Variants in IL1RAP observed in about 807,000 individuals in gnomAD.
IL1RAP encodes interleukin-1 receptor accessory protein.
A neutral mutation model predicts 60.7 loss-of-function variants in IL1RAP; 35 were observed. The ratio of observed to expected loss-of-function variants is 0.58; its 90% CI spans 0.44 to 0.76. The LOEUF (loss-of-function observed/expected upper bound fraction) is 0.76, where lower values mean the gene tolerates loss of function less well. IL1RAP is among the 30% of genes least tolerant of loss of function. The pLI is 0.00. For missense variants in IL1RAP, 572 were observed against 693.9 expected, an observed-to-expected ratio of 0.82 and a Z score of 1.97; for synonymous variants, 268 against 250.9, an observed-to-expected ratio of 1.07 and a Z score of -0.64.
chr3:190,532,169 A>G (rs989703492), intron 1 of IL1RAP, among the ~76,000 whole-genome samples: 7 of 152,080 alleles, frequency 4.6e-5, no homozygotes, highest in Admixed American at 4.6e-4. Flanking sequence ...CAAGTCTTCT[A>G]GTAATGAGGG....
chr3:190,644,221 A>G (rs780913782), intron 9 of IL1RAP, 27 bp from the exon 10 acceptor site: 7 of 1,603,432 alleles, frequency 4.4e-6, no homozygotes, highest in African/African-American at 2.7e-5. Flanking sequence ...ACAGAAATCA[A>G]TTCTGTTTCT....
intron 9 of IL1RAP, among the ~76,000 whole-genome samples, chr3:190,637,773 AC>A (rs1214578471): frequency 6.6e-6 from 1 of 151,560 alleles, no homozygotes. Flanking sequence ...AATCCTTTCT[AC>A]CCCCACCTTC....
At chr3:190,519,304 T>C (rs1721809181) in intron 1 of IL1RAP, among the ~76,000 whole-genome samples, 1 of 152,164 alleles carries the variant, frequency 6.6e-6, no homozygotes, top group East Asian at 1.9e-4. Flanking sequence ...GGAGATGTAT[T>C]TTTCTGAACA....
At chr3:190,630,183 T>C in intron 9 of IL1RAP, 1 of 757,906 alleles carries the variant, frequency 1.3e-6, no homozygotes, top group Non-Finnish European at 1.6e-6. Context: ...ATTTAAATTA[T>C]GATTTTAAAT....
intron 1 of IL1RAP, 149 bp from the exon 2 acceptor site, chr3:190,555,981 A>G (rs1027402060): frequency 3.3e-5 from 4 of 120,418 alleles, no homozygotes; most frequent in African/African-American, 1.2e-4. Flanking sequence ...TCTATCTTCT[A>G]TAGTTAGTTC....
rs1026961986 is a variant in IL1RAP at position 190,650,239 on chromosome 3, G to A, written c.*1534G>A. The stretch of plus-strand genomic sequence containing the variant: ...TATTTGTTAATTCACAGCTCACAGA[G>A]TGATAGTTGTCATAGTTCTTGCCTT... On this transcript the variant is annotated 3_prime_UTR_variant, in exon 12 of 12. Coordinates refer to ENST00000447382, the MANE Select transcript of IL1RAP (RefSeq NM_002182.4). 1.4e-5 allele frequency: 14 copies of A among 984,990 alleles called. No individual in the cohort carries two copies. Among genetic ancestry groups the A allele is most frequent in the Non-Finnish European group, 1.7e-5 (14 of 829,554 alleles). 61.0% of individuals were successfully genotyped at this position (984,990 alleles called of 1,614,324 possible).
intron 3 of IL1RAP, among the ~76,000 whole-genome samples, chr3:190,585,059 G>A (rs1728331944): frequency 6.6e-6 from 1 of 152,194 alleles, no homozygotes; most frequent in African/African-American, 2.4e-5. Context: ...ACTGCAGAGT[G>A]TTGTCACTCA....
In IL1RAP at chr3:190,645,793, A is replaced by C; in HGVS notation, c.1296A>C (p.Glu432Asp). 1 of 1,613,898 alleles carries C rather than the reference A, an allele frequency of 6.2e-7. No homozygotes were observed. The highest frequency in any genetic ancestry group is 8.5e-7 in the Non-Finnish European group (1 of 1,179,832). Residue 432 changes from glutamate to aspartate, a missense_variant, in exon 11 of 12, where the codon GAA becomes GAC. Coordinates refer to ENST00000447382, the MANE Select transcript of IL1RAP (RefSeq NM_002182.4). ...LLTLRGVLEN[E>D]FGYKLCIFDR... is the part of the protein sequence containing the mutation. ...CCCTCCGTGGAGTTTTGGAGAATGAATTTGGATACAAGCTGTGCATCTTTG... is the reference window on the plus strand; with the variant it reads ...CCCTCCGTGGAGTTTTGGAGAATGACTTTGGATACAAGCTGTGCATCTTTG...
intron 8 of IL1RAP, 98 bp downstream of exon 8, chr3:190,627,547 T>C: frequency 7.1e-7 from 1 of 1,404,760 alleles, no homozygotes; most frequent in South Asian, 1.6e-5. Context: ...ATTCTCATTT[T>C]TCCCTATCAC....
chr3:190,659,704 G>C (rs370210272), exon 12 of IL1RAP: 1 of 152,260 alleles, frequency 6.6e-6, no homozygotes, highest in East Asian at 1.9e-4. Context: ...GTCTCTCTGA[G>C]CCTCAATTTC....
chr3:190,619,957 C>T (rs989727995), intron 5 of IL1RAP, among the ~76,000 whole-genome samples: 1 of 152,060 alleles, frequency 6.6e-6, no homozygotes, highest in Non-Finnish European at 1.5e-5. Flanking sequence ...TTTCCTTAGT[C>T]ATTATTTCAA....
chr3:190,604,870 G>A (rs1190208009), intron 4 of IL1RAP, among the ~76,000 whole-genome samples: 2 of 152,162 alleles, frequency 1.3e-5, no homozygotes, highest in African/African-American at 2.4e-5. Flanking sequence ...TATGTGTGAT[G>A]TGATGCCTCC....
chr3:190,601,787 G>A (rs1308993817), intron 3 of IL1RAP, among the ~76,000 whole-genome samples: 1 of 151,930 alleles, frequency 6.6e-6, no homozygotes, highest in Admixed American at 6.6e-5. Flanking sequence ...GTTGTGGAAA[G>A]CCAGATAGCC....
chr3:190,546,217 CCT>C (rs1265663050), intron 1 of IL1RAP, among the ~76,000 whole-genome samples: 1 of 152,256 alleles, frequency 6.6e-6, no homozygotes, highest in East Asian at 1.9e-4. Flanking sequence ...GTTAAGTTTT[CCT>C]CTCTGTTCTA....
chr3:190,524,785 A>G (rs2108519294), intron 1 of IL1RAP, among the ~76,000 whole-genome samples: 1 of 152,280 alleles, frequency 6.6e-6, no homozygotes, highest in South Asian at 2.1e-4. Context: ...GTCCCCAAGA[A>G]GTAGAAAGAG....
At chr3:190,641,759 G>A (rs1238378614) in intron 9 of IL1RAP, among the ~76,000 whole-genome samples, 2 of 152,140 alleles carry the variant, frequency 1.3e-5, no homozygotes, top group Admixed American at 1.3e-4. Flanking sequence ...TCCAGAGAGA[G>A]CCAAAATAAC....
intron 1 of IL1RAP, among the ~76,000 whole-genome samples, chr3:190,517,649 C>A (rs1244291984): frequency 2.6e-5 from 4 of 152,196 alleles, no homozygotes; most frequent in Admixed American, 6.5e-5. Context: ...CACAGGCTTG[C>A]AAACGCAGAT....
chr3:190,566,377 C>T (rs961168277), intron 3 of IL1RAP, among the ~76,000 whole-genome samples: 1 of 152,062 alleles, frequency 6.6e-6, no homozygotes, highest in Non-Finnish European at 1.5e-5. Context: ...GACTGTGTTA[C>T]CATTGCTGAA....
chr3:190,555,926 G>GTCTATCTATCTATCTATCTA (rs67490704), intron 1 of IL1RAP: 66 of 145,126 alleles, frequency 4.5e-4, no homozygotes, highest in Middle Eastern at 3.5e-3. Flanking sequence ...ATAGAGATCT[G>GTCTATCTATCTATCTATCTA]TCTATCTATC....
Sources: allele counts gnomAD v4.1 joint callset (sites outside exome capture counted in the v4.1 genomes callset), GRCh38; gene constraint gnomAD v4.1.1; transcripts MANE v1.5; gene names NCBI Gene and HGNC (gene_info 2026-07-23, HGNC 2026-07-21).